The following CACNA1B variants were observed in gnomAD, a reference collection of about 807,000 sequenced individuals.
CACNA1B encodes the protein calcium voltage-gated channel subunit alpha1 B, also known as voltage-dependent N-type calcium channel subunit alpha-1B.
Under a neutral mutation model 247.2 loss-of-function variants are expected in CACNA1B, and 70 were observed. The ratio of observed to expected loss-of-function variants is 0.28; its 90% CI spans 0.23 to 0.35. The LOEUF (loss-of-function observed/expected upper bound fraction) is 0.35. Ranked by LOEUF, CACNA1B falls within the 10% of genes least tolerant of loss-of-function variation. CACNA1B has a pLI of 1.00. For synonymous variants in CACNA1B, 1,231 were observed against 1,294.4 expected, an observed-to-expected ratio of 0.95 and a Z score of 1.05; for missense variants, 2,367 against 3,197.4, an observed-to-expected ratio of 0.74 and a Z score of 6.26.
At chr9:138,120,423 A>G (rs1589140640) in intron 45 of CACNA1B, 51 bp downstream of exon 45, 3 of 1,498,340 alleles carry the variant, frequency 2.0e-6, no homozygotes, top group Non-Finnish European at 2.7e-6. Context: ...GGCCCGAGTC[A>G]GGGGGTCCAA....
chr9:137,910,583 C>T (rs986848342), intron 3 of CACNA1B, among the ~76,000 whole-genome samples: 7 of 152,154 alleles, frequency 4.6e-5, no homozygotes, highest in African/African-American at 1.7e-4. Context: ...AGATTGTTGT[C>T]CTGCAACTAG....
intron 35 of CACNA1B, 124 bp from the exon 36 acceptor site, chr9:138,077,990 C>G (rs1403519374): frequency 1.4e-6 from 1 of 724,940 alleles, no homozygotes; most frequent in Admixed American, 2.8e-5. Context: ...GTGACCCAGG[C>G]CTGGCACATG....
At position 137,899,038 on chromosome 9, in the gene CACNA1B, C is replaced by T. The variant is rs1957202984; in HGVS notation, c.531-14142C>T. On this transcript the variant is annotated intron_variant, in intron 3 of 46. Coordinates refer to ENST00000371372, the MANE Select transcript of CACNA1B (RefSeq NM_000718.4). This position sits in a 1 kb window ranked among gnomAD's most constrained non-coding sequence, Gnocchi z 5.0. ...CCTCCCGCCTCAGCTTTCCAAAGTGCTGGGATTGTAGGTGTGAGCCACCCT... is the reference window on the plus strand; with the variant it reads ...CCTCCCGCCTCAGCTTTCCAAAGTGTTGGGATTGTAGGTGTGAGCCACCCT... Among the ~76,000 whole-genome samples, 1 of 151,906 alleles carries T rather than the reference C, an allele frequency of 6.6e-6. No homozygotes were observed. The highest frequency in any genetic ancestry group is 2.1e-4 in the South Asian group (1 of 4,800).
intron 31 of CACNA1B, among the ~76,000 whole-genome samples, chr9:138,068,163 CAT>C (rs1422437886): frequency 2.0e-5 from 3 of 152,090 alleles, no homozygotes; most frequent in African/African-American, 4.8e-5. Flanking sequence ...GACAGGCAAA[CAT>C]AGAATGCATT....
rs1056447813 is a variant in CACNA1B at position 138,011,208 on chromosome 9, C to T, written c.2160+1131C>T. 7.9e-5 allele frequency among the ~76,000 whole-genome samples: 12 copies of T among 152,182 alleles called. No individual in the cohort carries two copies. Among genetic ancestry groups the T allele is most frequent in the South Asian group, 4.1e-4 (2 of 4,836 alleles). ...GCCCCCACAGAGCTCTCCTTGGTGC[C>T]GGGGTTGCCTTGGAGCCCGGGGCCC... is the stretch of plus-strand genomic sequence containing the variant. On this transcript the variant is annotated intron_variant, in intron 17 of 46. Coordinates refer to ENST00000371372, the MANE Select transcript of CACNA1B (RefSeq NM_000718.4). The surrounding 1 kb of genome is among the most constrained non-coding windows in gnomAD (Gnocchi z 4.2).
In CACNA1B at chr9:137,917,383, G is replaced by A. The variant is rs76688109; in HGVS notation, c.918G>A (p.Thr306=). The A allele has an allele frequency of 1.2e-4, 192 of 1,613,974 alleles. No individual in the cohort carries two copies. The African/African-American group carries it at 2.2e-3, about 18-fold the overall frequency. The change falls in exon 6 of 47, where the codon ACG becomes ACA. Residue 306 remains threonine (T), a synonymous_variant. Coordinates refer to ENST00000371372, the MANE Select transcript of CACNA1B (RefSeq NM_000718.4). This position sits in a 1 kb window ranked among gnomAD's most constrained non-coding sequence, Gnocchi z 5.5. ...ACAATATCCTGTTTGCCATCTTGAC[G>A]GTGTTCCAGTGCATCACCATGGAGG... ...NFDNILFAIL[T]VFQCITMEGW...
chr9:137,984,129 C>G lies in CACNA1B; in HGVS notation c.1657-9C>G. 6.3e-7 allele frequency: 1 copy of G among 1,581,534 alleles called. No individual in the cohort carries two copies. The highest frequency in any genetic ancestry group is 1.2e-5 in the South Asian group (1 of 86,340). ...CGGTGCACCCAAGGCTAATGCCATC[C>G]CGTTGCAGGTCATCGTGGGGAGCGT... On this transcript the variant is annotated splice_polypyrimidine_tract_variant and intron_variant, in intron 12 of 46. Transcript: ENST00000371372.
At chr9:137,887,420 G>A (rs1957031637) in intron 3 of CACNA1B, among the ~76,000 whole-genome samples, 2 of 151,910 alleles carry the variant, frequency 1.3e-5, no homozygotes, top group African/African-American at 4.8e-5. Context: ...GCCCGTCCAT[G>A]CCACGTGCAT....
intron 22 of CACNA1B, 77 bp downstream of exon 22, chr9:138,047,110 T>TG: frequency 7.1e-7 from 1 of 1,407,356 alleles, no homozygotes; most frequent in Non-Finnish European, 9.7e-7. Context: ...CCCAAGGGGC[T>TG]GGGGTGGGGC....
chr9:138,097,609 G>A (rs1466981450), intron 37 of CACNA1B, among the ~76,000 whole-genome samples: 2 of 152,158 alleles, frequency 1.3e-5, no homozygotes, highest in African/African-American at 4.8e-5. Flanking sequence ...CAGTGAGTGC[G>A]TAGACATCCA....
intron 36 of CACNA1B, among the ~76,000 whole-genome samples, chr9:138,087,904 T>C (rs1960754423): frequency 6.6e-6 from 1 of 152,016 alleles, no homozygotes; most frequent in South Asian, 2.1e-4. Context: ...AATAAAAGCC[T>C]ACATCAGAAA....
chr9:137,971,288 C>A lies in CACNA1B; in HGVS notation c.1334-95C>A. Reference sequence around the variant, plus strand: ...GTCTGTGACCGGCTGGGGCTGGGGGCAGGTGTCCTCCAGAGTGCGTCTGTG... The same window carrying A: ...GTCTGTGACCGGCTGGGGCTGGGGGAAGGTGTCCTCCAGAGTGCGTCTGTG... On this transcript the variant is annotated intron_variant, in intron 10 of 46. Transcript: ENST00000371372. This position sits in a 1 kb window ranked among gnomAD's most constrained non-coding sequence, Gnocchi z 4.4. 2.5e-6 allele frequency: 2 copies of A among 811,336 alleles called. No individual in the cohort carries two copies. Among genetic ancestry groups the A allele is most frequent in the East Asian group, 2.7e-5 (1 of 37,676 alleles). 50.3% of individuals were successfully genotyped at this position (811,336 alleles called of 1,614,324 possible).
At chr9:137,900,055 G>C (rs1957215106) in intron 3 of CACNA1B, among the ~76,000 whole-genome samples, 1 of 152,150 alleles carries the variant, frequency 6.6e-6, no homozygotes, top group African/African-American at 2.4e-5. Context: ...GCCAGCTCTT[G>C]GCATTTTCAG....
chr9:138,112,437 A>T lies in CACNA1B; in HGVS notation c.5468A>T (p.Lys1823Met). Residue 1823 changes from lysine (K) to methionine (M), a missense_variant, in exon 40 of 47, where the codon AAG becomes ATG. This residue lies in a region of CACNA1B where 773 missense variants were observed against 779.4 expected (regional missense o/e 0.99). Transcript: ENST00000371372. ...CATCAGTGTGACGCGGAGTTGAGGA[A>T]GGAGATTTCCGTTGTGTGGGCCAAT... ...KQHQCDAELR[K>M]EISVVWANLP... The T allele has an allele frequency of 6.2e-7, 1 of 1,613,438 alleles. No individual in the cohort carries two copies. The highest frequency in any genetic ancestry group is 8.5e-7 in the Non-Finnish European group (1 of 1,179,364).
intron 3 of CACNA1B, among the ~76,000 whole-genome samples, chr9:137,905,912 G>A (rs572113039): frequency 6.6e-6 from 1 of 152,316 alleles, no homozygotes; most frequent in South Asian, 2.1e-4. Flanking sequence ...CTGCCCTTGT[G>A]CCCTCTGGGC....
In CACNA1B at chr9:137,882,592, A is replaced by T. The variant is rs1190806220; in HGVS notation, c.391-152A>T. On this transcript the variant is annotated intron_variant, in intron 2 of 46. Transcript: ENST00000371372. This position sits in a 1 kb window ranked among gnomAD's most constrained non-coding sequence, Gnocchi z 4.0. ...AGTGATGGGAATGGCTCCTTGGAGA[A>T]TCTGCAGGGTGTTGGGGGCAAGGTG... 6.6e-6 allele frequency among the ~76,000 whole-genome samples: 1 copy of T among 152,092 alleles called. No individual in the cohort carries two copies. Among genetic ancestry groups the T allele is most frequent in the Non-Finnish European group, 1.5e-5 (1 of 67,994 alleles).
intron 15 of CACNA1B, among the ~76,000 whole-genome samples, chr9:137,993,333 G>A (rs1958455813): frequency 6.6e-6 from 1 of 151,236 alleles, no homozygotes; most frequent in East Asian, 2.0e-4. Flanking sequence ...TTAAATTTTT[G>A]TCTATCTAGA....
Position 138,025,072 on chromosome 9 carries a change from G to A in CACNA1B, c.3186G>A (p.Arg1062=), listed in dbSNP as rs199875380. The change falls in exon 20 of 47, where the codon CGG becomes CGA. Residue 1062 remains arginine (R), a synonymous_variant. Transcript: ENST00000371372. Reference sequence around the variant, plus strand: ...AGCCAGAGGATGCAGACAATCAGCGGAACGTCACTCGCATGGGCAGTCAGC... The same window carrying A: ...AGCCAGAGGATGCAGACAATCAGCGAAACGTCACTCGCATGGGCAGTCAGC... ...EEQPEDADNQ[R]NVTRMGSQPP... is the part of the protein sequence containing the mutation. 4.8e-5 allele frequency: 77 copies of A among 1,612,958 alleles called. No homozygotes were observed. The highest frequency in any genetic ancestry group is 6.4e-5 in the Non-Finnish European group (76 of 1,179,522).
intron 15 of CACNA1B, among the ~76,000 whole-genome samples, chr9:138,001,339 G>C (rs1589059450): frequency 6.6e-6 from 1 of 152,254 alleles, no homozygotes; most frequent in East Asian, 1.9e-4. Flanking sequence ...GATAGCTAAT[G>C]GGTATGAGTT....
Sources: gnomAD v4.1 joint callset for allele counts (sites outside exome capture counted in the v4.1 genomes callset) on GRCh38, gnomAD v4.1.1 for gene constraint, gnomAD v4.1.1 regional missense constraint, Gnocchi (gnomAD v3.1) non-coding constraint, MANE v1.5 for transcripts, NCBI Gene and HGNC (gene_info 2026-07-23, HGNC 2026-07-21) for gene names.